FNDC3B: variants seen among roughly 807,000 people sequenced by gnomAD.
The protein encoded by FNDC3B is fibronectin type III domain-containing protein 3B.
Under a neutral mutation model 151.5 loss-of-function variants are expected in FNDC3B, and 12 were observed. The observed-to-expected ratio is 0.08, with a 90% CI of 0.05 to 0.13. The LOEUF (loss-of-function observed/expected upper bound fraction) is 0.13, where lower values mean the gene tolerates loss of function less well. FNDC3B is among the 10% of genes least tolerant of loss of function. The probability of loss-of-function intolerance (pLI) is 1.00; values close to 1 mark genes in which losing one functional copy is unlikely to be tolerated. For missense variants in FNDC3B, 1,214 were observed against 1,505.3 expected (o/e 0.81, Z 3.20); for synonymous variants, 528 against 549.0 (o/e 0.96, Z 0.54).
chr3:172,243,502 G>C (rs971897404), intron 4 of FNDC3B, among the ~76,000 whole-genome samples: 1 of 152,194 alleles, frequency 6.6e-6, no homozygotes, highest in Non-Finnish European at 1.5e-5. Context: ...GTTGTGCAGG[G>C]AGACTCCTGT....
chr3:172,237,220 C>G (rs1274985979), intron 4 of FNDC3B: 1 of 152,238 alleles, frequency 6.6e-6, no homozygotes, highest in Non-Finnish European at 1.5e-5. Context: ...CTGTGATTCT[C>G]CTGAACAGCA....
intron 1 of FNDC3B, among the ~76,000 whole-genome samples, chr3:172,090,070 A>G (rs1158916541): frequency 6.6e-6 from 1 of 152,216 alleles, no homozygotes; most frequent in Admixed American, 6.5e-5. Flanking sequence ...AAATTAGTCT[A>G]TTCCGAATTT....
chr3:172,351,747 G>T (rs1435584029), intron 21 of FNDC3B, among the ~76,000 whole-genome samples: 1 of 152,162 alleles, frequency 6.6e-6, no homozygotes, highest in Non-Finnish European at 1.5e-5. Flanking sequence ...CTGGAGAGGG[G>T]TATGAGAGGA....
chr3:172,255,853 G>A (rs773170693), intron 6 of FNDC3B, among the ~76,000 whole-genome samples: 2 of 152,220 alleles, frequency 1.3e-5, no homozygotes, highest in Non-Finnish European at 2.9e-5. Context: ...GAACTCTGGT[G>A]CACAGCCTCT....
chr3:172,247,202 G>A (rs1305381896), intron 4 of FNDC3B, among the ~76,000 whole-genome samples: 1 of 152,184 alleles, frequency 6.6e-6, no homozygotes, highest in East Asian at 1.9e-4. Flanking sequence ...ATCAGTTTCA[G>A]CACACATTAA....
intron 11 of FNDC3B, among the ~76,000 whole-genome samples, chr3:172,313,123 C>T (rs985448519): frequency 6.6e-6 from 1 of 151,954 alleles, no homozygotes; most frequent in African/African-American, 2.4e-5. Context: ...CTCTGTTGAG[C>T]TTTGCTGAAG....
intron 1 of FNDC3B, 65 bp from the exon 2 acceptor site, chr3:172,112,386 CT>C: frequency 3.7e-6 from 3 of 807,998 alleles, no homozygotes; most frequent in Non-Finnish European, 6.6e-6. Flanking sequence ...TGTTATGTGA[CT>C]TGTTGTGTTA....
chr3:172,193,183 TCTCC>T (rs547223878), intron 3 of FNDC3B, among the ~76,000 whole-genome samples: 9 of 37,764 alleles, frequency 2.4e-4, no homozygotes, highest in South Asian at 3.2e-3. Flanking sequence ...CCGCCCTTCC[TCTCC>T]CTCCCTCCCT....
chr3:172,101,446 A>T (rs1224782537), intron 1 of FNDC3B, among the ~76,000 whole-genome samples: 2 of 152,228 alleles, frequency 1.3e-5, no homozygotes, highest in South Asian at 4.1e-4. Context: ...CAGTGCCACC[A>T]CAAAGTGGGT....
At chr3:172,076,313 A>G (rs1251343884) in intron 1 of FNDC3B, among the ~76,000 whole-genome samples, 1 of 152,234 alleles carries the variant, frequency 6.6e-6, no homozygotes, top group East Asian at 1.9e-4. Context: ...GCTTGAGGAC[A>G]CTGCAGTGAG....
intron 22 of FNDC3B, among the ~76,000 whole-genome samples, chr3:172,357,983 A>C (rs749941216): frequency 2.0e-5 from 3 of 152,198 alleles, no homozygotes; most frequent in Non-Finnish European, 4.4e-5. Flanking sequence ...GCAGACGGTC[A>C]ATGTTGAACT....
At chr3:172,295,260 A>T (rs1034155463) in intron 7 of FNDC3B, 103 bp from the exon 8 acceptor site, 3 of 1,047,710 alleles carry the variant, frequency 2.9e-6, no homozygotes, top group African/African-American at 3.2e-5. Context: ...TAATTAAACT[A>T]GTTTACCTTG....
At chr3:172,338,681 A>C (rs564177789) in intron 16 of FNDC3B, among the ~76,000 whole-genome samples, 1 of 152,332 alleles carries the variant, frequency 6.6e-6, no homozygotes, top group Non-Finnish European at 1.5e-5. Flanking sequence ...TTTAAATGAC[A>C]TATCATCTCA....
intron 3 of FNDC3B, among the ~76,000 whole-genome samples, chr3:172,178,529 A>G (rs1270767576): frequency 1.3e-5 from 2 of 152,178 alleles, no homozygotes; most frequent in African/African-American, 2.4e-5. Context: ...ATTGTAAGAC[A>G]CTCAGACTGG....
At chr3:172,196,735 G>A (rs1173519341) in intron 3 of FNDC3B, among the ~76,000 whole-genome samples, 1 of 152,140 alleles carries the variant, frequency 6.6e-6, no homozygotes, top group Non-Finnish European at 1.5e-5. Flanking sequence ...GTCTTGTAAT[G>A]TTAGGATGAG....
rs886746142 is a variant in FNDC3B at position 172,040,530 on chromosome 3, CGGACTTGGCGAGCCGGCGGCT to C, written c.-29+763_-29+783del. On this transcript the variant is annotated intron_variant, in intron 1 of 25. Transcript: ENST00000415807. This position sits in a 1 kb window ranked among gnomAD's most constrained non-coding sequence, Gnocchi z 6.6. ...GGGGGCGGTAACCGGCGGCCGCGGC[CGGACTTGGCGAGCCGGCGGCT>C]GGAAGCTCGGGCGGGGGAGCGGGGC... The C allele has an allele frequency of 2.0e-5, 3 of 151,812 alleles. No individual in the cohort carries two copies. The highest frequency in any genetic ancestry group is 7.3e-5 in the African/African-American group (3 of 41,342). The allele number at this position is 151,812 out of a possible 1,614,324, so 9.4% of individuals were successfully genotyped here. A position where few individuals can be genotyped will look rare whatever the true frequency, so the allele number is the denominator to read the frequency against.
At chr3:172,111,830 A>G (rs1017946143) in intron 1 of FNDC3B, among the ~76,000 whole-genome samples, 12 of 152,220 alleles carry the variant, frequency 7.9e-5, no homozygotes, top group Non-Finnish European at 1.6e-4. Context: ...TGGGGACTCT[A>G]TTATGAGTGA....
intron 4 of FNDC3B, among the ~76,000 whole-genome samples, chr3:172,228,941 C>A (rs1327899690): frequency 6.6e-6 from 1 of 152,076 alleles, no homozygotes; most frequent in Non-Finnish European, 1.5e-5. Flanking sequence ...GATGTGTACA[C>A]AACATCTTCT....
chr3:172,076,936 G>A (rs940689103), intron 1 of FNDC3B, among the ~76,000 whole-genome samples: 1 of 152,080 alleles, frequency 6.6e-6, no homozygotes, highest in Admixed American at 6.6e-5. Flanking sequence ...ATATATTAGG[G>A]CAAGAGATTT....
Sources: allele counts gnomAD v4.1 joint callset (sites outside exome capture counted in the v4.1 genomes callset), GRCh38; gene constraint gnomAD v4.1.1; non-coding constraint Gnocchi (gnomAD v3.1); transcripts MANE v1.5; gene names NCBI Gene and HGNC (gene_info 2026-07-23, HGNC 2026-07-21).